UBE2G1: variants seen among roughly 807,000 people sequenced by gnomAD.
UBE2G1 encodes the protein ubiquitin conjugating enzyme E2 G1.
UBE2G1 carries 5 observed loss-of-function variants against 22.7 expected under a neutral mutation model. The ratio of observed to expected loss-of-function variants is 0.22; its 90% CI spans 0.12 to 0.46. The LOEUF (loss-of-function observed/expected upper bound fraction) is 0.46. UBE2G1 is among the 20% of genes least tolerant of loss of function. UBE2G1 has a pLI of 0.99. For missense variants in UBE2G1, 88 were observed against 203.9 expected, an observed-to-expected ratio of 0.43 and a Z score of 3.46; for synonymous variants, 74 against 67.5, an observed-to-expected ratio of 1.10 and a Z score of -0.47.
intron 1 of UBE2G1, among the ~76,000 whole-genome samples, chr17:4,307,403 G>A (rs1186162985): frequency 1.3e-5 from 2 of 152,154 alleles, no homozygotes; most frequent in African/African-American, 4.8e-5. Context: ...AAGGAAGCTT[G>A]TTAAAATGCA....
intron 3 of UBE2G1, among the ~76,000 whole-genome samples, chr17:4,293,141 C>T (rs1969063361): frequency 6.6e-6 from 1 of 152,134 alleles, no homozygotes; most frequent in African/African-American, 2.4e-5. Flanking sequence ...CTCAATCCCC[C>T]CCACCTCCCC....
At chr17:4,361,928 A>G (rs1410507838) in intron 1 of UBE2G1, among the ~76,000 whole-genome samples, 1 of 144,854 alleles carries the variant, frequency 6.9e-6, no homozygotes, top group Non-Finnish European at 1.5e-5. Context: ...GGCCACTGCA[A>G]TCCAGCCTGG....
intron 1 of UBE2G1, among the ~76,000 whole-genome samples, chr17:4,339,811 T>C (rs1037301162): frequency 1.3e-5 from 2 of 151,636 alleles, no homozygotes; most frequent in African/African-American, 4.8e-5. Context: ...ATCATGCCAT[T>C]GCGCTCCAGC....
rs573006591 is a variant in UBE2G1, at chr17:4,271,162, T to C, written c.*1392A>G. 6.6e-6 allele frequency: 1 copy of C among 152,528 alleles called. No homozygotes were observed. Among genetic ancestry groups the C allele is most frequent in the Non-Finnish European group, 1.5e-5 (1 of 68,032 alleles). The allele number at this position is 152,528 out of a possible 1,614,324, so 9.4% of individuals were successfully genotyped here. On this transcript the variant is annotated 3_prime_UTR_variant, in exon 6 of 6. Transcript: ENST00000396981. ...AGAAAACTGTATGATATGAAATATA[T>C]TGAAGCTCAAACATTAATCACATCC...
chr17:4,341,043 G>A (rs1285326644), intron 1 of UBE2G1, among the ~76,000 whole-genome samples: 1 of 113,314 alleles, frequency 8.8e-6, no homozygotes, highest in Non-Finnish European at 1.7e-5. Flanking sequence ...GGTGCCCAGT[G>A]TCTTTACAAA....
intron 1 of UBE2G1, among the ~76,000 whole-genome samples, chr17:4,336,706 T>C (rs1969652612): frequency 6.6e-6 from 1 of 152,038 alleles, no homozygotes; most frequent in Non-Finnish European, 1.5e-5. Flanking sequence ...TTTGTATTTT[T>C]AGTAGAGGGG....
chr17:4,284,078 A>G (rs544444889), intron 4 of UBE2G1, among the ~76,000 whole-genome samples: 1 of 150,166 alleles, frequency 6.7e-6, no homozygotes, highest in South Asian at 2.1e-4. Context: ...AATCGCTTGA[A>G]CCTGAGAGGC....
intron 1 of UBE2G1, among the ~76,000 whole-genome samples, chr17:4,363,023 G>A (rs1269294086): frequency 3.9e-5 from 6 of 152,154 alleles, no homozygotes; most frequent in Non-Finnish European, 8.8e-5. Flanking sequence ...CTCTGAGGCC[G>A]AGGCAGGAGA....
chr17:4,347,949 C>G lies in UBE2G1; in HGVS notation c.46+18322G>C, dbSNP rs186838971. Among the ~76,000 whole-genome samples, 3 of 151,696 alleles carry G rather than the reference C, an allele frequency of 2.0e-5. No individual in the cohort carries two copies. In the East Asian group the frequency reaches 5.8e-4, roughly 29 times the overall value. On this transcript the variant is annotated intron_variant, in intron 1 of 5. Transcript: ENST00000396981. ...CAACTGCCAGTTCCTGTCTGTCTCC[C>G]TGATTCTCAGGACTCCCAATTATCC...
chr17:4,288,565 G>A (rs1004349987), intron 4 of UBE2G1, among the ~76,000 whole-genome samples: 6 of 152,132 alleles, frequency 3.9e-5, no homozygotes, highest in Admixed American at 1.3e-4. Flanking sequence ...AACTACTGTA[G>A]GACTTTGCTC....
chr17:4,357,924 A>G (rs879790824), intron 1 of UBE2G1, among the ~76,000 whole-genome samples: 1 of 151,972 alleles, frequency 6.6e-6, no homozygotes, highest in Non-Finnish European at 1.5e-5. Context: ...ACACAGCAAG[A>G]CCCCATCTCT....
intron 1 of UBE2G1, among the ~76,000 whole-genome samples, chr17:4,328,852 C>G (rs544283948): frequency 1.3e-5 from 2 of 152,036 alleles, no homozygotes; most frequent in Non-Finnish European, 2.9e-5. Flanking sequence ...TTTGGGAGGC[C>G]GGGGCGGGCA....
chr17:4,294,426 AAAAAAAAAAAAAAAG>A (rs1394729364), intron 3 of UBE2G1, among the ~76,000 whole-genome samples: 10 of 19,794 alleles, frequency 5.1e-4, no homozygotes, highest in South Asian at 7.8e-3. Context: ...AAAAAAAAAA[AAAAAAAAAAAAAAAG>A]AAAGAAACGA....
intron 1 of UBE2G1, among the ~76,000 whole-genome samples, chr17:4,362,602 C>G (rs552132088): frequency 6.6e-6 from 1 of 152,202 alleles, no homozygotes; most frequent in East Asian, 1.9e-4. Context: ...CAAAACATAC[C>G]CGATATATTC....
At chr17:4,327,809 A>G (rs1969519878) in intron 1 of UBE2G1, among the ~76,000 whole-genome samples, 1 of 152,174 alleles carries the variant, frequency 6.6e-6, no homozygotes, top group Non-Finnish European at 1.5e-5. Flanking sequence ...ACCCAAAGAC[A>G]GCACCATTAA....
chr17:4,319,120 C>A (rs1431536134), intron 1 of UBE2G1, among the ~76,000 whole-genome samples: 1 of 152,092 alleles, frequency 6.6e-6, no homozygotes, highest in African/African-American at 2.4e-5. Flanking sequence ...ATAAGTTAAA[C>A]TGGCATTCCT....
At chr17:4,290,969 A>G (rs1244874049) in intron 3 of UBE2G1, among the ~76,000 whole-genome samples, 1 of 152,150 alleles carries the variant, frequency 6.6e-6, no homozygotes, top group African/African-American at 2.4e-5. Context: ...CGTGCCTTCA[A>G]TGTTTTATGT....
At chr17:4,274,267 G>A (rs1023002299) in intron 5 of UBE2G1, among the ~76,000 whole-genome samples, 10 of 144,718 alleles carry the variant, frequency 6.9e-5, no homozygotes, top group African/African-American at 1.0e-4. Context: ...GCGCGATCTC[G>A]GCTCACTGCA....
At chr17:4,303,174 G>A (rs984506029) in intron 2 of UBE2G1, among the ~76,000 whole-genome samples, 9 of 152,166 alleles carry the variant, frequency 5.9e-5, no homozygotes, top group African/African-American at 2.2e-4. Context: ...ACAACCAGTA[G>A]CTTGGGCTCT....
Sources: allele counts gnomAD v4.1 joint callset (sites outside exome capture counted in the v4.1 genomes callset), GRCh38; gene constraint gnomAD v4.1.1; transcripts MANE v1.5; gene names NCBI Gene and HGNC (gene_info 2026-07-23, HGNC 2026-07-21).